Variants in LCORL observed in about 807,000 individuals in gnomAD.
LCORL encodes the protein ligand dependent nuclear receptor corepressor like.
In LCORL, 41 loss-of-function variants were observed where a neutral mutation model predicts 141.8. The ratio of observed to expected loss-of-function variants is 0.29; its 90% CI spans 0.23 to 0.38. The LOEUF (loss-of-function observed/expected upper bound fraction) is 0.38, where lower values mean the gene tolerates loss of function less well. Ranked by LOEUF, LCORL falls within the 10% of genes least tolerant of loss-of-function variation. LCORL has a pLI of 1.00. For synonymous variants in LCORL, 618 were observed against 694.1 expected, an observed-to-expected ratio of 0.89 and a Z score of 1.72; for missense variants, 1,759 against 2,035.0, an observed-to-expected ratio of 0.86 and a Z score of 2.61.
intron 1 of LCORL, among the ~76,000 whole-genome samples, chr4:18,008,908 A>G (rs1723226559): frequency 1.3e-5 from 2 of 152,188 alleles, no homozygotes; most frequent in Admixed American, 1.3e-4. Context: ...TAAGTATAGT[A>G]AGGAAGACCT....
chr4:17,841,477 G>C (rs1361031835), exon 8 of LCORL: 1 of 151,828 alleles, frequency 6.6e-6, no homozygotes, highest in Admixed American at 6.6e-5. Flanking sequence ...CATATTGTTG[G>C]ATGTTTTCTT....
intron 6 of LCORL, chr4:17,883,990 C>T (rs1391862357): frequency 2.6e-6 from 4 of 1,550,806 alleles, no homozygotes; most frequent in Non-Finnish European, 3.5e-6. Context: ...TCCTGGGCTG[C>T]TTACTGTCTT....
At chr4:18,006,199 T>A (rs551873335) in intron 1 of LCORL, among the ~76,000 whole-genome samples, 2 of 152,302 alleles carry the variant, frequency 1.3e-5, no homozygotes, top group African/African-American at 4.8e-5. Context: ...ATGCTACCAG[T>A]CTGTTTGCTA....
intron 4 of LCORL, among the ~76,000 whole-genome samples, chr4:17,941,522 G>A (rs953020533): frequency 1.2e-4 from 18 of 151,610 alleles, no homozygotes; most frequent in Non-Finnish European, 1.3e-4. Flanking sequence ...CTGTATCAAT[G>A]TTCTCAGACA....
intron 4 of LCORL, among the ~76,000 whole-genome samples, chr4:17,924,958 G>A (rs1255739444): frequency 6.6e-6 from 1 of 152,144 alleles, no homozygotes; most frequent in Non-Finnish European, 1.5e-5. Context: ...ACGGGTCCAG[G>A]AGTCAAGGGG....
chr4:18,011,314 CTTTAA>C (rs985858822), intron 1 of LCORL, among the ~76,000 whole-genome samples: 2 of 151,894 alleles, frequency 1.3e-5, no homozygotes, highest in African/African-American at 4.8e-5. Context: ...AAAAGGGCTG[CTTTAA>C]TTTGAGCTTC....
At chr4:18,017,125 A>G (rs1724761658) in intron 1 of LCORL, among the ~76,000 whole-genome samples, 1 of 152,152 alleles carries the variant, frequency 6.6e-6, no homozygotes, top group Non-Finnish European at 1.5e-5. Flanking sequence ...ACCTGGGACA[A>G]TTTGTGAATC....
intron 1 of LCORL, among the ~76,000 whole-genome samples, chr4:18,000,859 C>T (rs1241336693): frequency 6.6e-6 from 1 of 152,074 alleles, no homozygotes; most frequent in Non-Finnish European, 1.5e-5. Context: ...TCATTTTGTT[C>T]ACTGAGGTGT....
intron 7 of LCORL, among the ~76,000 whole-genome samples, chr4:17,872,252 G>C (rs1726433951): frequency 6.6e-6 from 1 of 151,936 alleles, no homozygotes; most frequent in Non-Finnish European, 1.5e-5. Context: ...TTATCAATAA[G>C]AAGAGCTGGA....
At chr4:17,948,781 A>G (rs1739276179) in intron 4 of LCORL, among the ~76,000 whole-genome samples, 1 of 152,056 alleles carries the variant, frequency 6.6e-6, no homozygotes. Context: ...TATCAGGGAA[A>G]AAAAAAGGGA....
chr4:17,983,898 G>GT, intron 1 of LCORL, among the ~76,000 whole-genome samples: 1 of 152,272 alleles, frequency 6.6e-6, no homozygotes, highest in African/African-American at 2.4e-5. Context: ...GATGTTGGCT[G>GT]TGAGTTTGTC....
exon 8 of LCORL, chr4:17,843,900 A>T (rs1185877198): frequency 6.5e-6 from 1 of 152,852 alleles, no homozygotes; most frequent in Non-Finnish European, 1.5e-5. Flanking sequence ...CTTATCAATC[A>T]CCAGTGAGGA....
chr4:17,937,567 G>C (rs1267575656), intron 4 of LCORL, among the ~76,000 whole-genome samples: 1 of 152,100 alleles, frequency 6.6e-6, no homozygotes, highest in Admixed American at 6.5e-5. Context: ...GTGATGAAGG[G>C]AATAAATGAA....
exon 7 of LCORL, chr4:17,873,492 T>C: frequency 1.6e-6 from 2 of 1,233,914 alleles, no homozygotes; most frequent in Non-Finnish European, 1.0e-6. Context: ...TCTTTTTCTT[T>C]TGTTCAAATT....
rs529237825 is a variant in LCORL, at chr4:17,842,230, A to G, written c.*3658T>C. ...AGGATTGTTGTGTTGAAGACAAAGG[A>G]TTTAGTTAGCCTAGAAACTAGATTA... is the stretch of plus-strand genomic sequence containing the variant. On this transcript the variant is annotated 3_prime_UTR_variant, in exon 8 of 8. Coordinates refer to ENST00000635767, the Ensembl canonical transcript of LCORL. The G allele has an allele frequency of 1.7e-4, 208 of 1,213,466 alleles. No individual in the cohort carries two copies. The East Asian group carries it at 5.0e-3, about 29-fold the overall frequency. 75.2% of individuals were successfully genotyped at this position (1,213,466 alleles called of 1,614,324 possible).
exon 8 of LCORL, chr4:17,843,426 G>T: frequency 6.2e-7 from 1 of 1,610,666 alleles, no homozygotes; most frequent in East Asian, 2.2e-5. Flanking sequence ...TCTAAGTTAG[G>T]AAAGACGATG....
At chr4:17,855,188 C>T (rs1326905823) in intron 7 of LCORL, among the ~76,000 whole-genome samples, 2 of 152,136 alleles carry the variant, frequency 1.3e-5, no homozygotes, top group African/African-American at 4.8e-5. Flanking sequence ...CTAATGAACA[C>T]TGCACTGTTA....
exon 7 of LCORL, chr4:17,876,537 C>T (rs1347204693): frequency 2.0e-5 from 25 of 1,230,854 alleles, no homozygotes; most frequent in South Asian, 1.6e-4. Flanking sequence ...ATTGTGTGAG[C>T]TTTCAATGTG....
chr4:18,001,804 T>C (rs180807699), intron 1 of LCORL, among the ~76,000 whole-genome samples: 1 of 152,352 alleles, frequency 6.6e-6, no homozygotes. Flanking sequence ...ATTTTATGGA[T>C]TTTAATTCTA....
Sources: allele counts gnomAD v4.1 joint callset (sites outside exome capture counted in the v4.1 genomes callset), GRCh38; gene constraint gnomAD v4.1.1; transcripts MANE v1.5; gene names NCBI Gene and HGNC (gene_info 2026-07-23, HGNC 2026-07-21).